PC: variants seen among roughly 807,000 people sequenced by gnomAD.
PC encodes pyruvate carboxylase, also known as pyruvate carboxylase, mitochondrial.
PC carries 46 observed loss-of-function variants against 107.8 expected under a neutral mutation model. That is an observed-to-expected ratio of 0.43 (90% confidence interval 0.34 to 0.55). The LOEUF (loss-of-function observed/expected upper bound fraction) is 0.55. PC is among the 20% of genes least tolerant of loss of function. PC has a pLI of 0.04. For missense variants in PC, 1,241 were observed against 1,643.1 expected (o/e 0.76, Z 4.23); for synonymous variants, 662 against 684.7 (o/e 0.97, Z 0.52).
chr11:66,924,625 T>C (rs1948672125), intron 3 of PC, among the ~76,000 whole-genome samples: 1 of 152,040 alleles, frequency 6.6e-6, no homozygotes, highest in Non-Finnish European at 1.5e-5. Context: ...TAATTTCTTA[T>C]AGATACAAAA....
intron 3 of PC, 50 bp from the exon 4 acceptor site, chr11:66,872,209 T>C: frequency 6.4e-7 from 1 of 1,554,582 alleles, no homozygotes; most frequent in South Asian, 1.2e-5. Flanking sequence ...GCACTGAGGC[T>C]CCTCAGAATG....
At chr11:66,859,644 C>G in intron 12 of PC, 2 of 1,612,900 alleles carry the variant, frequency 1.2e-6, no homozygotes, top group Non-Finnish European at 1.7e-6. Flanking sequence ...CAGGATTGTC[C>G]CAGCCTCCAG....
intron 3 of PC, among the ~76,000 whole-genome samples, chr11:66,924,369 C>CAAAAAAAAAAAAAAAAAAAA (rs71045970): frequency 2.6e-4 from 17 of 65,560 alleles, no homozygotes; most frequent in Admixed American, 3.7e-4. Flanking sequence ...CCATCTCTAC[C>CAAAAAAAAAAAAAAAAAAAA]AAAAAAAAAA....
At chr11:66,896,599 C>T (rs148388520) in intron 3 of PC, among the ~76,000 whole-genome samples, 1 of 152,336 alleles carries the variant, frequency 6.6e-6, no homozygotes, top group East Asian at 1.9e-4. Flanking sequence ...GGATGGACAG[C>T]GCCGCTGGCT....
intron 3 of PC, among the ~76,000 whole-genome samples, chr11:66,930,786 T>C (rs371967999): frequency 4.2e-4 from 60 of 142,258 alleles, no homozygotes; most frequent in African/African-American, 1.4e-3. Flanking sequence ...GGGTTATTCC[T>C]GAGAGAGGAA....
At position 66,850,855 on chromosome 11, in the gene PC, G is replaced by A. The variant is rs757918962; in HGVS notation, c.2292C>T (p.Pro764=). Residue 764 remains proline (P), a synonymous_variant, in exon 18 of 23, where the codon CCC becomes CCT. Coordinates refer to ENST00000393960, the MANE Select transcript of PC (RefSeq NM_001040716.2). ...GGGTGTGGATGTGCAGTGGGAGGTC[G>A]GGGAAGCGGTCCCGGAGGGAGCTGA... ...MLVSSLRDRF[P]DLPLHIHTHD... The A allele has an allele frequency of 1.4e-5, 22 of 1,611,610 alleles. No individual in the cohort carries two copies. Among genetic ancestry groups the A allele is most frequent in the African/African-American group, 4.0e-5 (3 of 74,926 alleles).
chr11:66,932,038 A>T lies in PC; in HGVS notation c.-1+20392T>A, dbSNP rs536069248. ...TGTCTCAAAAAAAAAAAAAAAAGAA[A>T]AAGAAAAAGAAAAAAGGAAATATGT... On this transcript the variant is annotated intron_variant, in intron 3 of 22. Transcript: ENST00000393960. Among the ~76,000 whole-genome samples the T allele has an allele frequency of 1.1e-4, 16 of 152,044 alleles. No homozygotes were observed. In the South Asian group the frequency reaches 3.1e-3, roughly 30 times the overall value.
intron 3 of PC, among the ~76,000 whole-genome samples, chr11:66,951,372 C>T (rs796276951): frequency 6.6e-6 from 1 of 152,076 alleles, no homozygotes; most frequent in Non-Finnish European, 1.5e-5. Flanking sequence ...AGCAGGGGAC[C>T]GGCGGGAGGG....
Position 66,949,407 on chromosome 11 carries a change from C to T in PC, c.-1+3023G>A, listed in dbSNP as rs530989386. 1.5e-3 allele frequency among the ~76,000 whole-genome samples: 224 copies of T among 152,162 alleles called. 1 individual carries two copies. The highest frequency in any genetic ancestry group is 7.4e-3 in the Admixed American group (113 of 15,282). ...ATGGGACCAAGCATTAATCAAAAAGCCCCCTAAGGCCGGGGCGGCGGCTCA... is the reference window on the plus strand; with the variant it reads ...ATGGGACCAAGCATTAATCAAAAAGTCCCCTAAGGCCGGGGCGGCGGCTCA... On this transcript the variant is annotated intron_variant, in intron 3 of 22. Transcript: ENST00000393960.
chr11:66,859,769 T>C, intron 12 of PC: 2 of 1,606,516 alleles, frequency 1.2e-6, no homozygotes, highest in Non-Finnish European at 8.5e-7. Flanking sequence ...TGCTGGGCTG[T>C]GCCCATTTCT....
chr11:66,953,683 T>C (rs1378111639), intron 2 of PC, among the ~76,000 whole-genome samples: 1 of 152,140 alleles, frequency 6.6e-6, no homozygotes, highest in African/African-American at 2.4e-5. Context: ...ATTGAGCACA[T>C]GCCTTGCACA....
intron 12 of PC, among the ~76,000 whole-genome samples, chr11:66,862,483 G>T (rs1285982587): frequency 6.6e-6 from 1 of 152,174 alleles, no homozygotes; most frequent in Non-Finnish European, 1.5e-5. Flanking sequence ...GGCAGGGCTG[G>T]AAGAAGCTGC....
At chr11:66,860,581 G>T (rs1433502026) in intron 12 of PC, 2 of 701,374 alleles carry the variant, frequency 2.9e-6, no homozygotes, top group Admixed American at 4.0e-5. Context: ...GCCGGTGGGG[G>T]CAGTCACAGC....
At chr11:66,889,325 G>A (rs970207855) in intron 3 of PC, among the ~76,000 whole-genome samples, 3 of 151,878 alleles carry the variant, frequency 2.0e-5, no homozygotes, top group Non-Finnish European at 4.4e-5. Flanking sequence ...GGGGTGGCGG[G>A]GGCAAATGAG....
chr11:66,849,979 G>C lies in PC; in HGVS notation c.2856C>G (p.Ile952Met), dbSNP rs183661331. 4 of 1,613,630 alleles carry C rather than the reference G, an allele frequency of 2.5e-6. No individual in the cohort carries two copies. In the Admixed American group the frequency reaches 5.0e-5, roughly 20 times the overall value. The change falls in exon 20 of 23, where the codon ATC (isoleucine) becomes ATG (methionine). Residue 952 changes from isoleucine to methionine, a missense_variant. Physicochemically the swap from Ile to Met is conservative, Grantham distance 10. Transcript: ENST00000393960. Reference protein sequence around the residue: ...RSVVEFLQGYIGVPHGGFPEP... With the variant: ...RSVVEFLQGYMGVPHGGFPEP... ...CGGGGAACCCCCCATGGGGGACACC[G>C]ATGTAGCCCTGCAGGAACTCCACCA...
intron 3 of PC, among the ~76,000 whole-genome samples, chr11:66,872,452 G>C (rs1242464140): frequency 6.6e-6 from 1 of 152,054 alleles, no homozygotes; most frequent in African/African-American, 2.4e-5. Context: ...TCAGCCTCCT[G>C]AGTAGTTAAG....
chr11:66,932,062 G>A (rs1250628485), intron 3 of PC, among the ~76,000 whole-genome samples: 7 of 151,634 alleles, frequency 4.6e-5, no homozygotes, highest in Non-Finnish European at 7.4e-5. Context: ...AAGGAAATAT[G>A]TTTCTATTTC....
intron 3 of PC, among the ~76,000 whole-genome samples, chr11:66,900,203 C>T (rs750659988): frequency 1.6e-4 from 15 of 91,874 alleles, no homozygotes; most frequent in Non-Finnish European, 2.4e-4. Flanking sequence ...TTTTTTGAGA[C>T]GGAGTCTTGC....
chr11:66,890,537 A>G (rs1393159514), intron 3 of PC, among the ~76,000 whole-genome samples: 81 of 139,814 alleles, frequency 5.8e-4, no homozygotes, highest in Non-Finnish European at 1.0e-3. Flanking sequence ...GTCTCACTCT[A>G]TCACCCAGGC....
Sources: gnomAD v4.1 joint callset for allele counts (sites outside exome capture counted in the v4.1 genomes callset) on GRCh38, gnomAD v4.1.1 for gene constraint, MANE v1.5 for transcripts, NCBI Gene and HGNC (gene_info 2026-07-23, HGNC 2026-07-21) for gene names.